Variants in QSER1 observed in about 807,000 individuals in gnomAD.
QSER1 encodes the protein glutamine and serine-rich protein 1.
Under a neutral mutation model 158.5 loss-of-function variants are expected in QSER1, and 49 were observed. The observed-to-expected ratio is 0.31, with a 90% CI of 0.25 to 0.39. The LOEUF is 0.39. Ranked by LOEUF, QSER1 falls within the 10% of genes least tolerant of loss-of-function variation. The pLI is 1.00. For missense variants in QSER1, 1,754 were observed against 2,010.3 expected, an observed-to-expected ratio of 0.87 and a Z score of 2.44; for synonymous variants, 650 against 715.5, an observed-to-expected ratio of 0.91 and a Z score of 1.46.
chr11:32,903,003 C>G (rs1381460678), intron 1 of QSER1, among the ~76,000 whole-genome samples: 1 of 152,066 alleles, frequency 6.6e-6, no homozygotes, highest in African/African-American at 2.4e-5. Context: ...GGGAAAAATC[C>G]TTTTGGGAAG....
In QSER1 at chr11:32,976,669, A is replaced by G; in HGVS notation, c.*195A>G. On this transcript the variant is annotated 3_prime_UTR_variant, in exon 13 of 13. Transcript: ENST00000650167. Reference sequence around the variant, plus strand: ...GTTAGTCCTCTGGAAATGGACCTAAATCCCACCACATTTTTACCCTAATGA... The same window carrying G: ...GTTAGTCCTCTGGAAATGGACCTAAGTCCCACCACATTTTTACCCTAATGA... 1 of 529,636 alleles carries G rather than the reference A, an allele frequency of 1.9e-6. No homozygotes were observed. The allele number at this position is 529,636 out of a possible 1,614,324, so 32.8% of individuals were successfully genotyped here.
At chr11:32,903,131 A>G (rs866662844) in intron 1 of QSER1, among the ~76,000 whole-genome samples, 3 of 152,102 alleles carry the variant, frequency 2.0e-5, no homozygotes, top group African/African-American at 7.2e-5. Context: ...GGGAGGTTAT[A>G]TTTTCCATTA....
At chr11:32,944,152 G>A (rs2133567091) in intron 4 of QSER1, among the ~76,000 whole-genome samples, 1 of 152,206 alleles carries the variant, frequency 6.6e-6, no homozygotes, top group African/African-American at 2.4e-5. Flanking sequence ...CTTGGTAGCA[G>A]TCTATCAATT....
At position 32,931,668 on chromosome 11, in the gene QSER1, T is replaced by TTTAA. The variant is rs1271974773; in HGVS notation, c.485-75_485-74insTTAA. The TTTAA allele has an allele frequency of 5.1e-6, 6 of 1,186,172 alleles. No homozygotes were observed. In the African/African-American group the frequency reaches 9.2e-5, roughly 18 times the overall value. The allele number at this position is 1,186,172 out of a possible 1,614,324, so 73.5% of individuals were successfully genotyped here. A position where few individuals can be genotyped will look rare whatever the true frequency, so the allele number is the denominator to read the frequency against. ...AGACATTTTGATGAGTTGAGGGTTATGTAAGTCATTACTATGAAAACATAA... is the reference window on the plus strand; with the variant it reads ...AGACATTTTGATGAGTTGAGGGTTATTTAAGTAAGTCATTACTATGAAAACATAA... On this transcript the variant is annotated intron_variant, in intron 3 of 12. Transcript: ENST00000650167.
At chr11:32,940,187 C>T (rs773954517) in intron 4 of QSER1, among the ~76,000 whole-genome samples, 2 of 152,110 alleles carry the variant, frequency 1.3e-5, no homozygotes, top group African/African-American at 2.4e-5. Context: ...ACTTGGGCCT[C>T]TCTCTGGACA....
chr11:32,938,922 C>T (rs887129723), intron 4 of QSER1, among the ~76,000 whole-genome samples: 2 of 152,036 alleles, frequency 1.3e-5, no homozygotes, highest in Admixed American at 1.3e-4. Context: ...GTCTAACACT[C>T]TGAATTCTAT....
rs754994945 is a variant in QSER1 at position 32,933,948 on chromosome 11, T to C, written c.2690T>C (p.Leu897Pro). The C allele has an allele frequency of 1.9e-6, 3 of 1,613,918 alleles. No homozygotes were observed. Among genetic ancestry groups the C allele is most frequent in the Non-Finnish European group, 2.5e-6 (3 of 1,179,980 alleles). ...CCTCAACAAATAGTACATCCCTTCC[T>C]TCAGATGGAAGGTCATGTTATTCAA... ...QSPQQIVHPFLQMEGHVIQSN... is the reference protein window; with the variant it reads ...QSPQQIVHPFPQMEGHVIQSN... The change falls in exon 4 of 13, where the codon CTT becomes CCT. Residue 897 changes from leucine to proline, a missense_variant. Leu to Pro is a moderately conservative substitution (Grantham distance 98, BLOSUM62 -3). Coordinates refer to ENST00000650167, the MANE Select transcript of QSER1 (RefSeq NM_001076786.3).
At chr11:32,930,759 C>A (rs1221773493) in intron 3 of QSER1, among the ~76,000 whole-genome samples, 1 of 152,036 alleles carries the variant, frequency 6.6e-6, no homozygotes, top group African/African-American at 2.4e-5. Flanking sequence ...ATATCTGGTA[C>A]AAATATTTTT....
At chr11:32,910,882 G>C (rs946909616) in intron 1 of QSER1, among the ~76,000 whole-genome samples, 1 of 152,126 alleles carries the variant, frequency 6.6e-6, no homozygotes, top group Non-Finnish European at 1.5e-5. Flanking sequence ...TGTTCCAGTT[G>C]GCTTTTTCTG....
At chr11:32,894,136 C>T (rs1471926467) in intron 1 of QSER1, among the ~76,000 whole-genome samples, 2 of 152,184 alleles carry the variant, frequency 1.3e-5, no homozygotes, top group African/African-American at 2.4e-5. Flanking sequence ...CATGCTTCTC[C>T]ATCTCGGCCT....
chr11:32,956,407 CT>C (rs1852512962), intron 7 of QSER1, among the ~76,000 whole-genome samples: 1 of 152,074 alleles, frequency 6.6e-6, no homozygotes. Flanking sequence ...TTGAGTCCAG[CT>C]TTATGTGACT....
intron 4 of QSER1, among the ~76,000 whole-genome samples, chr11:32,951,969 C>T (rs949609970): frequency 1.3e-5 from 2 of 151,782 alleles, no homozygotes; most frequent in Admixed American, 1.3e-4. Flanking sequence ...TCCCAAGTTG[C>T]TGGGATTGCA....
intron 4 of QSER1, among the ~76,000 whole-genome samples, chr11:32,951,587 A>G (rs1275751837): frequency 1.3e-5 from 2 of 152,052 alleles, no homozygotes; most frequent in Non-Finnish European, 2.9e-5. Context: ...AGTTATACAG[A>G]TCTTCTATGA....
At chr11:32,943,349 AGT>A (rs1852272585) in intron 4 of QSER1, among the ~76,000 whole-genome samples, 1 of 149,112 alleles carries the variant, frequency 6.7e-6, no homozygotes, top group South Asian at 2.1e-4. Flanking sequence ...TTGCCCATTC[AGT>A]ATGATATTGG....
intron 1 of QSER1, among the ~76,000 whole-genome samples, chr11:32,924,814 T>G (rs552314032): frequency 5.2e-4 from 79 of 152,258 alleles, no homozygotes; most frequent in Admixed American, 9.8e-4. Flanking sequence ...AAGTTTGGAA[T>G]ACAAATGATC....
intron 1 of QSER1, among the ~76,000 whole-genome samples, chr11:32,916,062 C>T (rs1424366794): frequency 1.3e-5 from 2 of 152,010 alleles, no homozygotes; most frequent in African/African-American, 2.4e-5. Flanking sequence ...CCACCACACC[C>T]GGCTAATTTT....
intron 10 of QSER1, among the ~76,000 whole-genome samples, chr11:32,969,603 GCTAAT>G (rs2133607286): frequency 6.6e-6 from 1 of 151,860 alleles, no homozygotes; most frequent in African/African-American, 2.4e-5. Context: ...TATAGAAAAA[GCTAAT>G]CTAAACTCAA....
intron 8 of QSER1, among the ~76,000 whole-genome samples, chr11:32,964,733 T>TAC (rs1246383757): frequency 2.9e-3 from 334 of 115,242 alleles, no homozygotes; most frequent in Non-Finnish European, 5.1e-3. Context: ...TATATATATA[T>TAC]ATATATACAC....
chr11:32,948,282 A>T (rs1412912005), intron 4 of QSER1, among the ~76,000 whole-genome samples: 1 of 152,238 alleles, frequency 6.6e-6, no homozygotes, highest in East Asian at 1.9e-4. Flanking sequence ...TTCACTGGAA[A>T]GCAAGAAAAT....
Sources: gnomAD v4.1 joint callset for allele counts (sites outside exome capture counted in the v4.1 genomes callset) on GRCh38, gnomAD v4.1.1 for gene constraint, MANE v1.5 for transcripts, NCBI Gene and HGNC (gene_info 2026-07-23, HGNC 2026-07-21) for gene names.